The following ZNF717 variants were observed in gnomAD, a reference collection of about 807,000 sequenced individuals.
ZNF717 encodes zinc finger protein 717.
A neutral mutation model predicts 13.8 loss-of-function variants in ZNF717; 9 were observed. The observed-to-expected ratio is 0.65, with a 90% CI of 0.39 to 1.14. ZNF717 has a LOEUF of 1.14. ZNF717 is among the 50% of genes most tolerant of loss of function. The pLI is 0.01. For missense variants in ZNF717, 1,040 were observed against 1,080.7 expected (o/e 0.96, Z 0.53); for synonymous variants, 327 against 364.1 (o/e 0.90, Z 1.16).
At chr3:75,745,974 G>T (rs1293188281) in intron 2 of ZNF717, among the ~76,000 whole-genome samples, 1 of 151,986 alleles carries the variant, frequency 6.6e-6, no homozygotes, top group African/African-American at 2.4e-5. Flanking sequence ...GCTGCACCCA[G>T]TAACTCGTAA....
chr3:75,738,503 TTCCACA>T lies in ZNF717; in HGVS notation c.1114_1119del (p.Cys372_Gly373del). 1 of 1,531,050 alleles carries T rather than the reference TTCCACA, an allele frequency of 6.5e-7. No homozygotes were observed. Among genetic ancestry groups the T allele is most frequent in the Non-Finnish European group, 8.8e-7 (1 of 1,132,314 alleles). 94.8% of individuals were successfully genotyped at this position (1,531,050 alleles called of 1,614,324 possible). ...AGAAGTGACTTACAGTGAAAAGTTT[TTCCACA>T]TTCAATACATTTGTAGGGTTTATCC... On this transcript the variant is annotated inframe_deletion, in exon 5 of 5. Coordinates refer to ENST00000652011, the MANE Select transcript of ZNF717 (RefSeq NM_001290208.3).
At chr3:75,732,189 C>A, downstream of ZNF717, 3 of 700,108 alleles carry the variant, frequency 4.3e-6, no homozygotes, top group Middle Eastern at 4.7e-4. Flanking sequence ...CAAGGCTTAT[C>A]CTCAGGAGAA....
chr3:75,773,596 T>A (rs1944062101), intron 2 of ZNF717, among the ~76,000 whole-genome samples: 1 of 152,154 alleles, frequency 6.6e-6, no homozygotes, highest in African/African-American at 2.4e-5. Context: ...CTGGACAGAA[T>A]GAAAAATGTT....
chr3:75,773,006 A>G (rs1314627422), intron 2 of ZNF717, among the ~76,000 whole-genome samples: 2 of 152,238 alleles, frequency 1.3e-5, no homozygotes, highest in Non-Finnish European at 2.9e-5. Flanking sequence ...GACTGGGTCC[A>G]GGATCAGATT....
intron 2 of ZNF717, among the ~76,000 whole-genome samples, chr3:75,753,900 T>C (rs1942221833): frequency 1.3e-5 from 2 of 152,030 alleles, no homozygotes; most frequent in African/African-American, 4.8e-5. Flanking sequence ...CACATAGGAT[T>C]CCACAACACA....
chr3:75,779,140 C>G (rs1479169151), intron 2 of ZNF717, among the ~76,000 whole-genome samples: 1 of 151,132 alleles, frequency 6.6e-6, no homozygotes, highest in Non-Finnish European at 1.5e-5. Flanking sequence ...GAACACAAAA[C>G]AATGGGAGTG....
At chr3:75,777,611 T>A (rs192880435) in intron 2 of ZNF717, among the ~76,000 whole-genome samples, 1 of 137,036 alleles carries the variant, frequency 7.3e-6, no homozygotes, top group Non-Finnish European at 1.6e-5. Context: ...TGGGAGTGAT[T>A]TGCTAAAACC....
At chr3:75,742,887 C>T (rs76628829) in intron 2 of ZNF717, among the ~76,000 whole-genome samples, 3 of 152,216 alleles carry the variant, frequency 2.0e-5, no homozygotes, top group Admixed American at 2.0e-4. Flanking sequence ...ATAACTTATG[C>T]ACATCCTCCT....
chr3:75,718,572 G>A (rs1193922911), intron 4 of ZNF717, among the ~76,000 whole-genome samples: 1 of 152,138 alleles, frequency 6.6e-6, no homozygotes, highest in Admixed American at 6.6e-5. Context: ...GTGGTCCCCA[G>A]CCTTTTTTGG....
At chr3:75,771,369 C>A (rs1943856298) in intron 2 of ZNF717, among the ~76,000 whole-genome samples, 3 of 152,234 alleles carry the variant, frequency 2.0e-5, no homozygotes, top group Admixed American at 6.5e-5. Flanking sequence ...CTCACTGAAT[C>A]TGCTGTGATT....
Position 75,738,055 on chromosome 3 carries a change from G to A in ZNF717, c.1568C>T (p.Thr523Ile), listed in dbSNP as rs1176989094. The change falls in exon 5 of 5, where the codon ACT (threonine) becomes ATT (isoleucine). Residue 523 changes from threonine (T) to isoleucine (I), a missense_variant. This residue lies in a region of ZNF717 where 873 missense variants were observed against 832.8 expected (regional missense o/e 1.05). Transcript: ENST00000652011. ...CCCAGCATGAGTTCTCTGATGGACA[G>A]TGAGGAATGACTTACAGCGAAAGGT... The part of the protein sequence containing the change: ...GKTFRCKSFL[T>I]VHQRTHAGEK... 34 of 1,342,826 alleles carry A rather than the reference G, an allele frequency of 2.5e-5. No homozygotes were observed. Among genetic ancestry groups the A allele is most frequent in the Non-Finnish European group, 3.4e-5 (34 of 1,006,314 alleles). 83.2% of individuals were successfully genotyped at this position (1,342,826 alleles called of 1,614,324 possible). A position where few individuals can be genotyped will look rare whatever the true frequency, so the allele number is the denominator to read the frequency against.
chr3:75,700,148 C>T (rs1288860035), intron 6 of ZNF717, among the ~76,000 whole-genome samples: 10 of 152,368 alleles, frequency 6.6e-5, no homozygotes, highest in Admixed American at 2.0e-4. Flanking sequence ...AATCCCAGCA[C>T]TTTGGGAGGC....
chr3:75,721,374 C>G (rs1575722059), intron 4 of ZNF717, among the ~76,000 whole-genome samples: 1 of 152,186 alleles, frequency 6.6e-6, no homozygotes, highest in African/African-American at 2.4e-5. Flanking sequence ...TTCTGCCTCC[C>G]ACATTCAAGT....
At chr3:75,782,010 G>A (rs571283951) in intron 2 of ZNF717, among the ~76,000 whole-genome samples, 19 of 151,618 alleles carry the variant, frequency 1.3e-4, no homozygotes, top group East Asian at 9.7e-4. Flanking sequence ...CCCCTTATCC[G>A]GGGCCGAGAG....
chr3:75,697,199 G>A (rs1382923343), intron 6 of ZNF717, among the ~76,000 whole-genome samples: 2 of 152,236 alleles, frequency 1.3e-5, no homozygotes, highest in African/African-American at 2.4e-5. Context: ...ACAAGAGAAA[G>A]CAATAAAAGG....
At chr3:75,768,550 T>C (rs1258699855) in intron 2 of ZNF717, among the ~76,000 whole-genome samples, 27 of 74,348 alleles carry the variant, frequency 3.6e-4, no homozygotes, top group South Asian at 9.8e-4. Context: ...TGTGGGGGGG[T>C]AGATGACAGA....
rs74357986 is a variant in ZNF717, at chr3:75,738,917, A to T, written c.706T>A (p.Phe236Ile). The T allele has an allele frequency of 6.4e-7, 1 of 1,551,508 alleles. No individual in the cohort carries two copies. The highest frequency in any genetic ancestry group is 1.2e-5 in the South Asian group (1 of 84,062). ...TTCTCATATTCATTATATTTACCAAAGGTCTGTACTATATGAACCCTCTTA... is the reference window on the plus strand; with the variant it reads ...TTCTCATATTCATTATATTTACCAATGGTCTGTACTATATGAACCCTCTTA... ...IHKRVHIVQT[F>I]GKYNEYEKAC... The change falls in exon 5 of 5, where the codon TTT becomes ATT. Residue 236 changes from phenylalanine (F) to isoleucine (I), a missense_variant. Transcript: ENST00000652011.
In ZNF717 at chr3:75,741,607, C is replaced by T. The variant is rs2218077; in HGVS notation, c.184+3G>A. On this transcript the variant is annotated splice_donor_region_variant and intron_variant, in intron 3 of 4. Coordinates refer to ENST00000652011, the MANE Select transcript of ZNF717 (RefSeq NM_001290208.3). Reference sequence around the variant, plus strand: ...CTGGGAGTTACTGGCAAGTTTCACTCACCCAATGATACCAGGCTGCTGTAG... The same window carrying T: ...CTGGGAGTTACTGGCAAGTTTCACTTACCCAATGATACCAGGCTGCTGTAG... 1,658 of 1,608,642 alleles carry T rather than the reference C, an allele frequency of 1.0e-3. 16 individuals carry two copies. The African/African-American group carries it at 0.02, about 19-fold the overall frequency.
intron 2 of ZNF717, among the ~76,000 whole-genome samples, chr3:75,750,672 T>A (rs1327322590): frequency 6.6e-6 from 1 of 151,686 alleles, no homozygotes; most frequent in African/African-American, 2.4e-5. Context: ...TCCAGAACAC[T>A]GTTACGAGGG....
Sources: allele counts gnomAD v4.1 joint callset (sites outside exome capture counted in the v4.1 genomes callset), GRCh38; gene constraint gnomAD v4.1.1; regional missense constraint gnomAD v4.1.1; transcripts MANE v1.5; gene names NCBI Gene and HGNC (gene_info 2026-07-23, HGNC 2026-07-21).